TBC1D5: variants seen among roughly 807,000 people sequenced by gnomAD.
TBC1D5 encodes the protein TBC1 domain family, member 5.
TBC1D5 carries 75 observed loss-of-function variants against 100.3 expected under a neutral mutation model. The observed-to-expected ratio is 0.75, with a 90% CI of 0.62 to 0.91. The LOEUF is 0.91. TBC1D5 is among the 40% of genes least tolerant of loss of function. The pLI is 0.00. For synonymous variants in TBC1D5, 323 were observed against 325.6 expected (o/e 0.99, Z 0.09); for missense variants, 910 against 942.4 (o/e 0.97, Z 0.45).
chr3:17,693,182 G>A (rs748300108), intron 1 of TBC1D5, among the ~76,000 whole-genome samples: 16 of 152,240 alleles, frequency 1.1e-4, no homozygotes, highest in Non-Finnish European at 2.4e-4. Context: ...GAAGACGGGT[G>A]ATATCTGCAT....
intron 13 of TBC1D5, among the ~76,000 whole-genome samples, chr3:17,357,777 C>G (rs2091348901): frequency 6.6e-6 from 1 of 152,288 alleles, no homozygotes; most frequent in South Asian, 2.1e-4. Flanking sequence ...CTGACTTTAG[C>G]TTTTCTGTTG....
At chr3:17,505,261 T>C (rs2095832707) in intron 3 of TBC1D5, among the ~76,000 whole-genome samples, 1 of 151,960 alleles carries the variant, frequency 6.6e-6, no homozygotes, top group South Asian at 2.1e-4. Flanking sequence ...ACCATCCCCT[T>C]GGTGACAAGT....
chr3:17,639,425 T>C (rs996750021), intron 1 of TBC1D5, among the ~76,000 whole-genome samples: 1 of 151,270 alleles, frequency 6.6e-6, no homozygotes, highest in Admixed American at 6.6e-5. Flanking sequence ...GGAATGAAAA[T>C]GTTCTACAGC....
chr3:17,488,061 A>G (rs539865334), intron 3 of TBC1D5, among the ~76,000 whole-genome samples: 24 of 152,204 alleles, frequency 1.6e-4, no homozygotes, highest in Non-Finnish European at 2.5e-4. Flanking sequence ...ACTTATAATG[A>G]CATGTGCCCA....
At chr3:17,661,861 T>C (rs1301560193) in intron 1 of TBC1D5, among the ~76,000 whole-genome samples, 1 of 151,966 alleles carries the variant, frequency 6.6e-6, no homozygotes, top group South Asian at 2.1e-4. Context: ...TCATTTGAAA[T>C]GGAAAGGACA....
At chr3:17,278,062 G>A (rs1023872486) in intron 15 of TBC1D5, among the ~76,000 whole-genome samples, 3 of 152,178 alleles carry the variant, frequency 2.0e-5, no homozygotes, top group Admixed American at 2.0e-4. Context: ...TGACAACTAG[G>A]ATGTGATAGG....
At chr3:17,369,238 A>C (rs2092339148) in intron 13 of TBC1D5, among the ~76,000 whole-genome samples, 1 of 152,182 alleles carries the variant, frequency 6.6e-6, no homozygotes, top group South Asian at 2.1e-4. Context: ...AAGAAAAAAA[A>C]AGTCAAAGAC....
chr3:17,219,495 C>T (rs116234124), intron 17 of TBC1D5, among the ~76,000 whole-genome samples: 3,595 of 150,148 alleles, frequency 0.024, 137 homozygotes, highest in African/African-American at 0.081. Context: ...TTTTTTTCCT[C>T]ATACCTTATA....
At chr3:17,717,368 G>A (rs952098442) in intron 1 of TBC1D5, among the ~76,000 whole-genome samples, 16 of 151,730 alleles carry the variant, frequency 1.1e-4, no homozygotes, top group Admixed American at 9.2e-4. Flanking sequence ...TAATATTTGC[G>A]TAACTATAAT....
At chr3:17,645,552 T>C (rs1184971336) in intron 1 of TBC1D5, among the ~76,000 whole-genome samples, 1 of 152,134 alleles carries the variant, frequency 6.6e-6, no homozygotes, top group Non-Finnish European at 1.5e-5. Context: ...TGCATGAAAC[T>C]GTTTTTCTAC....
intron 20 of TBC1D5, 75 bp downstream of exon 21, chr3:17,167,674 G>C (rs1301695127): frequency 1.5e-6 from 2 of 1,332,942 alleles, no homozygotes; most frequent in Non-Finnish European, 2.2e-6. Flanking sequence ...CTAACATCAT[G>C]GTGCTCCATG....
At position 17,627,183 on chromosome 3, in the gene TBC1D5, A is replaced by G. The variant is rs559455541; in HGVS notation, c.-100-3270T>C. ...GATATAATGGGTAAGAGAGAACAAG[A>G]CTAGGAATTCTTAGATCTAAGATAA... On this transcript the variant is annotated intron_variant, in intron 1 of 21. Transcript: ENST00000253692. 7.9e-5 allele frequency among the ~76,000 whole-genome samples: 12 copies of G among 152,276 alleles called. No homozygotes were observed. In the South Asian group the frequency reaches 2.3e-3, roughly 29 times the overall value.
chr3:17,368,874 G>C (rs1042407197), intron 13 of TBC1D5, among the ~76,000 whole-genome samples: 2 of 151,976 alleles, frequency 1.3e-5, no homozygotes, highest in African/African-American at 4.8e-5. Context: ...ACTAAAAAGA[G>C]ATTATTTTAC....
At chr3:17,337,130 T>TG (rs1345022555) in intron 13 of TBC1D5, among the ~76,000 whole-genome samples, 1 of 150,434 alleles carries the variant, frequency 6.6e-6, no homozygotes, top group Non-Finnish European at 1.5e-5. Flanking sequence ...GAGGTTTTTT[T>TG]TTTTTTTTTT....
intron 3 of TBC1D5, among the ~76,000 whole-genome samples, chr3:17,449,625 C>T (rs928139614): frequency 3.9e-5 from 6 of 152,110 alleles, no homozygotes; most frequent in African/African-American, 9.7e-5. Flanking sequence ...TCAGTAAGTT[C>T]GAACTGGGAA....
At chr3:17,727,922 C>A (rs2076251348) in intron 1 of TBC1D5, among the ~76,000 whole-genome samples, 2 of 152,110 alleles carry the variant, frequency 1.3e-5, no homozygotes, top group African/African-American at 4.8e-5. Context: ...GAAATCCACA[C>A]TATATTACAA....
At chr3:17,494,846 A>C (rs2095685587) in intron 3 of TBC1D5, among the ~76,000 whole-genome samples, 1 of 152,184 alleles carries the variant, frequency 6.6e-6, no homozygotes, top group Non-Finnish European at 1.5e-5. Flanking sequence ...CTGCAACCCA[A>C]GCAGCCACCA....
At chr3:17,190,801 G>T (rs1466472497) in intron 18 of TBC1D5, among the ~76,000 whole-genome samples, 1 of 152,132 alleles carries the variant, frequency 6.6e-6, no homozygotes, top group African/African-American at 2.4e-5. Context: ...GATCACAAGA[G>T]AAGCAGACAA....
intron 3 of TBC1D5, among the ~76,000 whole-genome samples, chr3:17,441,685 C>CA (rs2094660557): frequency 6.6e-6 from 1 of 152,148 alleles, no homozygotes; most frequent in South Asian, 2.1e-4. Context: ...TATAAAATCA[C>CA]AAAATTAATT....
Sources: gnomAD v4.1 joint callset for allele counts (sites outside exome capture counted in the v4.1 genomes callset) on GRCh38, gnomAD v4.1.1 for gene constraint, MANE v1.5 for transcripts, NCBI Gene and HGNC (gene_info 2026-07-23, HGNC 2026-07-21) for gene names.